The following ST8SIA1 variants were observed in gnomAD, a reference collection of about 807,000 sequenced individuals.
ST8SIA1 encodes ST8 alpha-N-acetyl-neuraminide alpha-2,8-sialyltransferase 1, also known as alpha-N-acetylneuraminide alpha-2,8-sialyltransferase.
In ST8SIA1, 16 loss-of-function variants were observed where a neutral mutation model predicts 35.9. The ratio of observed to expected loss-of-function variants is 0.45; its 90% CI spans 0.30 to 0.68. ST8SIA1 has a LOEUF of 0.68. Among genes scored for constraint, ST8SIA1 ranks in the 30% least tolerant of loss-of-function variants. The pLI, the probability that ST8SIA1 is intolerant of heterozygous loss-of-function variation, is 0.09. For missense variants in ST8SIA1, 383 were observed against 453.6 expected (o/e 0.84, Z 1.41); for synonymous variants, 170 against 169.6 (o/e 1.00, Z -0.02).
intron 1 of ST8SIA1, among the ~76,000 whole-genome samples, chr12:22,315,554 A>G (rs1410712085): frequency 6.6e-6 from 1 of 152,130 alleles, no homozygotes; most frequent in Non-Finnish European, 1.5e-5. Context: ...CCCTCCTAAA[A>G]TAATGACATT....
At chr12:22,236,097 T>A (rs1050443137) in intron 4 of ST8SIA1, among the ~76,000 whole-genome samples, 8 of 152,190 alleles carry the variant, frequency 5.3e-5, no homozygotes, top group African/African-American at 1.9e-4. Flanking sequence ...CCAACATGCC[T>A]AAGTTTCCCA....
At chr12:22,210,188 G>C (rs747036706) in intron 4 of ST8SIA1, among the ~76,000 whole-genome samples, 3 of 152,156 alleles carry the variant, frequency 2.0e-5, no homozygotes, top group Non-Finnish European at 2.9e-5. Flanking sequence ...AATTACGACT[G>C]CAGTTTGTAT....
intron 2 of ST8SIA1, among the ~76,000 whole-genome samples, chr12:22,258,476 TA>T (rs61335915): frequency 0.57 from 83,087 of 146,772 alleles, 23,501 homozygotes; most frequent in Middle Eastern, 0.76. Flanking sequence ...TTGTCCAAGT[TA>T]AAAAAAAAAA....
At chr12:22,237,659 A>C (rs1355241129) in intron 4 of ST8SIA1, among the ~76,000 whole-genome samples, 3 of 151,864 alleles carry the variant, frequency 2.0e-5, no homozygotes, top group African/African-American at 7.2e-5. Context: ...CATAAGTTAC[A>C]AAATCACTGG....
chr12:22,200,648 T>C lies in ST8SIA1; in HGVS notation c.*904A>G, dbSNP rs974506182. 1 of 152,204 alleles carries C rather than the reference T, an allele frequency of 6.6e-6. No individual in the cohort carries two copies. Among genetic ancestry groups the C allele is most frequent in the African/African-American group, 2.4e-5 (1 of 41,448 alleles). The allele number at this position is 152,204 out of a possible 1,614,324, so 9.4% of individuals were successfully genotyped here. A position where few individuals can be genotyped will look rare whatever the true frequency, so the allele number is the denominator to read the frequency against. ...CTTCTGGTCTGTCTTCCACAGAGACTAAGCTTTTCATCAACGTGCTTTACT... is the reference window on the plus strand; with the variant it reads ...CTTCTGGTCTGTCTTCCACAGAGACCAAGCTTTTCATCAACGTGCTTTACT... On this transcript the variant is annotated 3_prime_UTR_variant, in exon 5 of 5. Coordinates refer to ENST00000396037, the MANE Select transcript of ST8SIA1 (RefSeq NM_003034.4).
intron 1 of ST8SIA1, among the ~76,000 whole-genome samples, chr12:22,318,668 G>A (rs56323711): frequency 0.019 from 2,919 of 152,206 alleles, 49 homozygotes; most frequent in Middle Eastern, 0.041. Flanking sequence ...TTATTTGTAC[G>A]GCTCTTGAGG....
At chr12:22,279,119 T>C (rs1295235432) in intron 2 of ST8SIA1, among the ~76,000 whole-genome samples, 2 of 152,138 alleles carry the variant, frequency 1.3e-5, no homozygotes, top group Non-Finnish European at 2.9e-5. Flanking sequence ...TACTTCTCAA[T>C]CTCTATATAC....
At chr12:22,243,887 C>G (rs1397967518) in intron 4 of ST8SIA1, among the ~76,000 whole-genome samples, 1 of 151,984 alleles carries the variant, frequency 6.6e-6, no homozygotes, top group South Asian at 2.1e-4. Flanking sequence ...CAAAATCACC[C>G]GGGTGTGGTG....
At chr12:22,233,063 T>C (rs1865436862) in intron 4 of ST8SIA1, among the ~76,000 whole-genome samples, 1 of 152,108 alleles carries the variant, frequency 6.6e-6, no homozygotes, top group Non-Finnish European at 1.5e-5. Context: ...ACCTTGCAGA[T>C]TGAAAAGGTC....
Position 22,263,715 on chromosome 12 carries a change from G to T in ST8SIA1, c.382-8326C>A, listed in dbSNP as rs138921459. Among the ~76,000 whole-genome samples, 293 of 152,254 alleles carry T rather than the reference G, an allele frequency of 1.9e-3. 1 individual carries two copies. Among genetic ancestry groups the T allele is most frequent in the African/African-American group, 6.7e-3 (279 of 41,538 alleles). On this transcript the variant is annotated intron_variant, in intron 2 of 4. Coordinates refer to ENST00000396037, the MANE Select transcript of ST8SIA1 (RefSeq NM_003034.4). Reference sequence around the variant, plus strand: ...CTCTTTTCTCTTTGACAGGAAGGGGGAGCAGGTCTTCCTTGTCATGTAATT... The same window carrying T: ...CTCTTTTCTCTTTGACAGGAAGGGGTAGCAGGTCTTCCTTGTCATGTAATT...
At chr12:22,304,014 G>C (rs1170758324) in intron 1 of ST8SIA1, among the ~76,000 whole-genome samples, 1 of 152,140 alleles carries the variant, frequency 6.6e-6, no homozygotes, top group Non-Finnish European at 1.5e-5. Context: ...AACCAAAAGA[G>C]CAATGGCTGT....
At chr12:22,275,327 G>A (rs563875296) in intron 2 of ST8SIA1, among the ~76,000 whole-genome samples, 1 of 152,288 alleles carries the variant, frequency 6.6e-6, no homozygotes, top group South Asian at 2.1e-4. Flanking sequence ...GCCAAGGGCG[G>A]GTGTATCACT....
At chr12:22,270,195 A>T (rs963528554) in intron 2 of ST8SIA1, among the ~76,000 whole-genome samples, 4 of 152,242 alleles carry the variant, frequency 2.6e-5, no homozygotes, top group African/African-American at 9.6e-5. Flanking sequence ...ACCAGTGTCT[A>T]ACTGGGAAAT....
intron 4 of ST8SIA1, among the ~76,000 whole-genome samples, chr12:22,204,336 A>ATTGTGAAATGATTACAACAAGC (rs1373132328): frequency 1.3e-5 from 2 of 152,254 alleles, no homozygotes; most frequent in South Asian, 4.1e-4. Context: ...ATGCACATAC[A>ATTGTGAAATGATTACAACAAGC]TTGTGAAATG....
intron 2 of ST8SIA1, among the ~76,000 whole-genome samples, chr12:22,268,040 G>C (rs73270067): frequency 0.018 from 2,721 of 152,266 alleles, 94 homozygotes; most frequent in African/African-American, 0.063. Flanking sequence ...AGCTACTGTT[G>C]TGTACACCCA....
chr12:22,266,780 G>A (rs1019631270), intron 2 of ST8SIA1, among the ~76,000 whole-genome samples: 12 of 151,864 alleles, frequency 7.9e-5, no homozygotes, highest in African/African-American at 2.4e-4. Context: ...CTGGGTGACC[G>A]AGTGAGACCC....
chr12:22,215,107 C>A (rs1440337963), intron 4 of ST8SIA1, among the ~76,000 whole-genome samples: 1 of 152,178 alleles, frequency 6.6e-6, no homozygotes, highest in African/African-American at 2.4e-5. Context: ...GCCTACTCCA[C>A]ATCATTGGCC....
chr12:22,316,814 C>T (rs188457283), intron 1 of ST8SIA1, among the ~76,000 whole-genome samples: 84 of 152,066 alleles, frequency 5.5e-4, no homozygotes, highest in South Asian at 8.3e-4. Context: ...ATGAATGTGC[C>T]CCTCGCAGGA....
At chr12:22,226,673 A>G (rs552992464) in intron 4 of ST8SIA1, among the ~76,000 whole-genome samples, 1 of 151,872 alleles carries the variant, frequency 6.6e-6, no homozygotes, top group African/African-American at 2.4e-5. Flanking sequence ...CTTAAAATGG[A>G]AATATTAAGG....
Sources: allele counts gnomAD v4.1 joint callset (sites outside exome capture counted in the v4.1 genomes callset), GRCh38; gene constraint gnomAD v4.1.1; transcripts MANE v1.5; gene names NCBI Gene and HGNC (gene_info 2026-07-23, HGNC 2026-07-21).